Variants in PACS2 observed in about 807,000 individuals in gnomAD.
PACS2 encodes the protein PACS1-like protein.
PACS2 carries 36 observed loss-of-function variants against 113.0 expected under a neutral mutation model. That is an observed-to-expected ratio of 0.32 (90% confidence interval 0.24 to 0.42). PACS2 has a LOEUF of 0.42. PACS2 is among the 10% of genes least tolerant of loss of function. The probability of loss-of-function intolerance (pLI) is 1.00; values close to 1 mark genes in which losing one functional copy is unlikely to be tolerated. For missense variants in PACS2, 1,015 were observed against 1,239.5 expected (o/e 0.82, Z 2.72); for synonymous variants, 589 against 536.1 (o/e 1.10, Z -1.36).
chr14:105,312,420 C>T (rs1365686842), upstream of PACS2, among the ~76,000 whole-genome samples: 1 of 152,242 alleles, frequency 6.6e-6, no homozygotes, highest in Non-Finnish European at 1.5e-5. Context: ...GACCCCAGGG[C>T]TCTGAAGGAT....
In PACS2 at chr14:105,355,629, G is replaced by T. The variant is rs1169132181; in HGVS notation, c.423+452G>T. ...AGGTGTCAGTTCTGTGAAGGGGCTAGCGACAATACCCGAGCAGGGCGGGGG... is the reference window on the plus strand; with the variant it reads ...AGGTGTCAGTTCTGTGAAGGGGCTATCGACAATACCCGAGCAGGGCGGGGG... On this transcript the variant is annotated intron_variant, in intron 4 of 24. Coordinates refer to ENST00000447393, the MANE Select transcript of PACS2 (RefSeq NM_001100913.3). This position sits in a 1 kb window ranked among gnomAD's most constrained non-coding sequence, Gnocchi z 4.1. Among the ~76,000 whole-genome samples the T allele has an allele frequency of 6.6e-6, 1 of 152,238 alleles. No homozygotes were observed. The highest frequency in any genetic ancestry group is 1.5e-5 in the Non-Finnish European group (1 of 68,042).
intron 1 of PACS2, among the ~76,000 whole-genome samples, chr14:105,318,576 A>G (rs1486155833): frequency 6.6e-6 from 1 of 151,300 alleles, no homozygotes; most frequent in Non-Finnish European, 1.5e-5. Context: ...CAGCCTCCCA[A>G]GTAGCTAGGA....
At chr14:105,306,324 GAC>G (rs1358107948) in intron 1 of PACS2, among the ~76,000 whole-genome samples, 8 of 147,686 alleles carry the variant, frequency 5.4e-5, no homozygotes, top group Non-Finnish European at 5.9e-5. Flanking sequence ...TTGTTTTTGA[GAC>G]ACAGTCTTGC....
intron 7 of PACS2, 36 bp from the exon 8 acceptor site, chr14:105,369,805 G>T: frequency 6.5e-7 from 1 of 1,527,056 alleles, no homozygotes; most frequent in South Asian, 1.2e-5. Context: ...CTGCAGCTCT[G>T]GCGGCGGCTC....
rs916950407 is a variant in PACS2 at position 105,356,793 on chromosome 14, C to T, written c.423+1616C>T. On this transcript the variant is annotated intron_variant, in intron 4 of 24. Transcript: ENST00000447393. The surrounding 1 kb of genome is among the most constrained non-coding windows in gnomAD (Gnocchi z 4.0). Reference sequence around the variant, plus strand: ...CAGGCGAGGTCCTGCTGATCCCTGCCGGTCCCTGTGTTTCCCATTAGCCAT... The same window carrying T: ...CAGGCGAGGTCCTGCTGATCCCTGCTGGTCCCTGTGTTTCCCATTAGCCAT... Among the ~76,000 whole-genome samples the T allele has an allele frequency of 3.0e-5, 4 of 133,464 alleles. No individual in the cohort carries two copies. Among genetic ancestry groups the T allele is most frequent in the South Asian group, 2.5e-4 (1 of 4,012 alleles). 87.6% of individuals were successfully genotyped at this position (133,464 alleles called of 152,430 possible).
Position 105,368,159 on chromosome 14 carries a change from C to A in PACS2, c.660+12C>A. 3.8e-6 allele frequency: 6 copies of A among 1,587,750 alleles called. No individual in the cohort carries two copies. The highest frequency in any genetic ancestry group is 5.2e-6 in the Non-Finnish European group (6 of 1,161,642). Reference sequence around the variant, plus strand: ...CCGTGCAGGGGCAGGTGACCTGGGGCCGGGGCTCCGCGCCCTCTCCTGGCT... The same window carrying A: ...CCGTGCAGGGGCAGGTGACCTGGGGACGGGGCTCCGCGCCCTCTCCTGGCT... On this transcript the variant is annotated intron_variant, in intron 6 of 24. Transcript: ENST00000447393.
intron 9 of PACS2, among the ~76,000 whole-genome samples, chr14:105,378,110 C>T (rs1472906970): frequency 6.6e-6 from 1 of 152,266 alleles, no homozygotes; most frequent in African/African-American, 2.4e-5. Context: ...TTGGGCCTCC[C>T]TGGCCTTCCT....
At chr14:105,392,317 C>G in intron 22 of PACS2, 1 of 450,062 alleles carries the variant, frequency 2.2e-6, no homozygotes, top group Non-Finnish European at 4.0e-6. Context: ...CAGGCTGCGC[C>G]TGAGGGAGCT....
At chr14:105,312,976 CTCTTT>C (rs2058386837), upstream of PACS2, among the ~76,000 whole-genome samples, 2 of 152,178 alleles carry the variant, frequency 1.3e-5, no homozygotes, top group African/African-American at 4.8e-5. Context: ...CCGCCATCTC[CTCTTT>C]TGTCACTTGG....
At chr14:105,305,662 G>C (rs753463047) in intron 1 of PACS2, among the ~76,000 whole-genome samples, 1 of 152,230 alleles carries the variant, frequency 6.6e-6, no homozygotes, top group African/African-American at 2.4e-5. Flanking sequence ...ATAAAGAATG[G>C]AGCCAGGTTA....
chr14:105,350,322 C>CT (rs1181477055), intron 2 of PACS2, among the ~76,000 whole-genome samples: 1 of 152,188 alleles, frequency 6.6e-6, no homozygotes, highest in Non-Finnish European at 1.5e-5. Flanking sequence ...TCACTGACTT[C>CT]TGAGTCTGGT....
intron 1 of PACS2, chr14:105,300,999 G>A (rs1476753783): frequency 6.5e-6 from 1 of 153,152 alleles, no homozygotes; most frequent in Non-Finnish European, 1.5e-5. Flanking sequence ...GCCGAGGACT[G>A]GCGCTTGGGG....
At chr14:105,382,746 C>A in intron 14 of PACS2, 61 bp from the exon 15 acceptor site, 2 of 1,097,772 alleles carry the variant, frequency 1.8e-6, no homozygotes, top group Non-Finnish European at 2.7e-6. Context: ...TGGTGAGGGT[C>A]AGGTGCTGGG....
rs1047002531 is a variant in PACS2, at chr14:105,324,525, C to G, written c.119+9488C>G. On this transcript the variant is annotated intron_variant, in intron 1 of 24. Coordinates refer to ENST00000447393, the MANE Select transcript of PACS2 (RefSeq NM_001100913.3). The surrounding 1 kb of genome is among the most constrained non-coding windows in gnomAD (Gnocchi z 4.7). The stretch of plus-strand genomic sequence containing the variant: ...GGGCCTGGCTGGCTCAGCAGCTGCT[C>G]TGAGAGGCAGCCCTAAAAATAGCCG... Among the ~76,000 whole-genome samples the G allele has an allele frequency of 6.6e-6, 1 of 152,196 alleles. No homozygotes were observed. Among genetic ancestry groups the G allele is most frequent in the Non-Finnish European group, 1.5e-5 (1 of 68,022 alleles).
intron 1 of PACS2, among the ~76,000 whole-genome samples, chr14:105,327,266 A>C (rs1285048177): frequency 6.6e-6 from 1 of 152,188 alleles, no homozygotes; most frequent in Non-Finnish European, 1.5e-5. Context: ...GGAGGGGTCC[A>C]GGAAGGTCGA....
chr14:105,352,761 A>C (rs111965113), intron 3 of PACS2, among the ~76,000 whole-genome samples: 6,358 of 54,242 alleles, frequency 0.12, 603 homozygotes, highest in African/African-American at 0.32. Context: ...CCATCACTGT[A>C]CCCTGGGGAG....
In PACS2 at chr14:105,395,978, T is replaced by C. The variant is rs782295808; in HGVS notation, c.*1306T>C. On this transcript the variant is annotated 3_prime_UTR_variant, in exon 25 of 25. Coordinates refer to ENST00000447393, the MANE Select transcript of PACS2 (RefSeq NM_001100913.3). ...TAAGATGGAGCACTGCAAAAGGCCA[T>C]GCTCAGAAAGCAAACGCAGGGCAGG... The C allele has an allele frequency of 1.2e-4, 19 of 152,334 alleles. No individual in the cohort carries two copies. Among genetic ancestry groups the C allele is most frequent in the Non-Finnish European group, 2.4e-4 (16 of 68,034 alleles). The allele number at this position is 152,334 out of a possible 1,614,324, so 9.4% of individuals were successfully genotyped here.
At chr14:105,368,385 A>G in intron 6 of PACS2, 74 bp from the exon 7 acceptor site, 1 of 1,191,788 alleles carries the variant, frequency 8.4e-7, no homozygotes, top group Non-Finnish European at 1.3e-6. Context: ...CCCATCGCCC[A>G]CGCTGAGGCT....
At position 105,330,593 on chromosome 14, in the gene PACS2, C is replaced by T. The variant is rs904264397; in HGVS notation, c.119+15556C>T. Among the ~76,000 whole-genome samples the T allele has an allele frequency of 2.6e-5, 4 of 152,220 alleles. No individual in the cohort carries two copies. Among genetic ancestry groups the T allele is most frequent in the Non-Finnish European group, 5.9e-5 (4 of 68,030 alleles). ...TGGACCCCCGGTCCCAGGGTGGCAGCTAGTGCAGCCTAGGCCACACCAGCA... is the reference window on the plus strand; with the variant it reads ...TGGACCCCCGGTCCCAGGGTGGCAGTTAGTGCAGCCTAGGCCACACCAGCA... On this transcript the variant is annotated intron_variant, in intron 1 of 24. Coordinates refer to ENST00000447393, the MANE Select transcript of PACS2 (RefSeq NM_001100913.3). This position sits in a 1 kb window ranked among gnomAD's most constrained non-coding sequence, Gnocchi z 6.9.
Sources: allele counts gnomAD v4.1 joint callset (sites outside exome capture counted in the v4.1 genomes callset), GRCh38; gene constraint gnomAD v4.1.1; non-coding constraint Gnocchi (gnomAD v3.1); transcripts MANE v1.5; gene names NCBI Gene and HGNC (gene_info 2026-07-23, HGNC 2026-07-21).